Variants in SH2D3C observed in about 807,000 individuals in gnomAD.
The protein encoded by SH2D3C is SH2 domain-containing protein 3C.
A neutral mutation model predicts 75.2 loss-of-function variants in SH2D3C; 25 were observed. The observed-to-expected ratio is 0.33, with a 90% CI of 0.24 to 0.46. The LOEUF (loss-of-function observed/expected upper bound fraction) is 0.46. SH2D3C is among the 20% of genes least tolerant of loss of function. SH2D3C has a pLI of 1.00. For missense variants in SH2D3C, 933 were observed against 1,165.3 expected (o/e 0.80, Z 2.90); for synonymous variants, 450 against 473.7 (o/e 0.95, Z 0.65).
Position 127,738,623 on chromosome 9 carries a change from G to T in SH2D3C, c.*123C>A. The T allele has an allele frequency of 9.4e-7, 1 of 1,068,218 alleles. No homozygotes were observed. The highest frequency in any genetic ancestry group is 1.3e-6 in the Non-Finnish European group (1 of 770,544). The allele number at this position is 1,068,218 out of a possible 1,614,324, so 66.2% of individuals were successfully genotyped here. A position where few individuals can be genotyped will look rare whatever the true frequency, so the allele number is the denominator to read the frequency against. Reference sequence around the variant, plus strand: ...AGGACCCTGGAGGTGCAAGGGAGATGCTTGAGTTGAACCCAGAACATTCTC... The same window carrying T: ...AGGACCCTGGAGGTGCAAGGGAGATTCTTGAGTTGAACCCAGAACATTCTC... On this transcript the variant is annotated 3_prime_UTR_variant, in exon 12 of 12. Transcript: ENST00000314830. This position sits in a 1 kb window ranked among gnomAD's most constrained non-coding sequence, Gnocchi z 5.0.
chr9:127,748,729 A>T (rs1845107639), intron 5 of SH2D3C, among the ~76,000 whole-genome samples: 2 of 152,206 alleles, frequency 1.3e-5, no homozygotes, highest in African/African-American at 4.8e-5. Context: ...CCCGGAGACA[A>T]CCAGGTGTGA....
chr9:127,755,277 C>G, intron 3 of SH2D3C: 1 of 1,105,386 alleles, frequency 9.0e-7, no homozygotes, highest in South Asian at 4.4e-5. Context: ...GCGCGATTAC[C>G]TCATCGCCTT....
In SH2D3C at chr9:127,754,894, C is replaced by A. The variant is rs1314142284; in HGVS notation, c.556-3594G>T. ...GCCGCCGAACCCTCACCCCGCGGAG[C>A]GCCTGGGCGCCCAGAGGTGAGGCTG... is the stretch of plus-strand genomic sequence containing the variant. On this transcript the variant is annotated intron_variant, in intron 3 of 11. Transcript: ENST00000314830. The surrounding 1 kb of genome is among the most constrained non-coding windows in gnomAD (Gnocchi z 4.4). 5.9e-6 allele frequency: 3 copies of A among 509,856 alleles called. No homozygotes were observed. The Admixed American group carries it at 6.9e-5, about 12-fold the overall frequency. The allele number at this position is 509,856 out of a possible 1,614,324, so 31.6% of individuals were successfully genotyped here. A position where few individuals can be genotyped will look rare whatever the true frequency, so the allele number is the denominator to read the frequency against.
chr9:127,740,855 G>C (rs1383513194), intron 9 of SH2D3C, among the ~76,000 whole-genome samples: 1 of 152,030 alleles, frequency 6.6e-6, no homozygotes, highest in Non-Finnish European at 1.5e-5. Context: ...TAATTTGTTT[G>C]TATTTTTAGT....
At chr9:127,742,558 G>C (rs751286623) in intron 8 of SH2D3C, 7 of 336,548 alleles carry the variant, frequency 2.1e-5, no homozygotes, top group Non-Finnish European at 3.3e-5. Context: ...TTTTAAGAAC[G>C]AACAAGGAGG....
In SH2D3C at chr9:127,740,483, C is replaced by T. The variant is rs528636738; in HGVS notation, c.2089-114G>A. 10 of 675,290 alleles carry T rather than the reference C, an allele frequency of 1.5e-5. No homozygotes were observed. The East Asian group carries it at 1.6e-4, about 11-fold the overall frequency. 41.8% of individuals were successfully genotyped at this position (675,290 alleles called of 1,614,324 possible). ...GATCGTTATTATTATTATGGCCATC[C>T]TTCATGTACCAGGGACAGTGATGAC... On this transcript the variant is annotated intron_variant, in intron 9 of 11. Coordinates refer to ENST00000314830, the MANE Select transcript of SH2D3C (RefSeq NM_170600.3).
At chr9:127,778,076 C>A (rs1385663223) in intron 1 of SH2D3C, among the ~76,000 whole-genome samples, 1 of 152,130 alleles carries the variant, frequency 6.6e-6, no homozygotes, top group African/African-American at 2.4e-5. Context: ...CTATCTCCAC[C>A]TCCTGGGTTC....
rs1162304118 is a variant in SH2D3C at position 127,741,796 on chromosome 9, T to C, written c.2080A>G (p.Met694Val). The C allele has an allele frequency of 4.3e-6, 7 of 1,613,074 alleles. No individual in the cohort carries two copies. Among genetic ancestry groups the C allele is most frequent in the Non-Finnish European group, 5.9e-6 (7 of 1,179,920 alleles). The change falls in exon 9 of 12, where the codon ATG becomes GTG. Residue 694 changes from methionine to valine, a missense_variant. Physicochemically the swap from Met to Val is conservative, Grantham distance 21. Coordinates refer to ENST00000314830, the MANE Select transcript of SH2D3C (RefSeq NM_170600.3). ...TGCGCGGCTCTCAGTACCTGGGCCA[T>C]GTCCAGGGCACCCATGACCGCCGCG... is the stretch of plus-strand genomic sequence containing the variant. ...SFAAVMGALD[M>V]AQISRLEQTW...
Position 127,738,581 on chromosome 9 carries a change from G to T in SH2D3C, c.*165C>A. On this transcript the variant is annotated 3_prime_UTR_variant, in exon 12 of 12. Transcript: ENST00000314830. The surrounding 1 kb of genome is among the most constrained non-coding windows in gnomAD (Gnocchi z 5.0). ...TGGTGAGCATGTAGCAGGTGGGATG[G>T]AACCCAGAGTCCACGCAGGACCCTG... 1 of 611,558 alleles carries T rather than the reference G, an allele frequency of 1.6e-6. No individual in the cohort carries two copies. The highest frequency in any genetic ancestry group is 2.6e-6 in the Non-Finnish European group (1 of 389,506). 37.9% of individuals were successfully genotyped at this position (611,558 alleles called of 1,614,324 possible).
Position 127,761,604 on chromosome 9 carries a change from C to G in SH2D3C, c.555+7G>C. 1.2e-6 allele frequency: 2 copies of G among 1,609,790 alleles called. No individual in the cohort carries two copies. Among genetic ancestry groups the G allele is most frequent in the Non-Finnish European group, 1.7e-6 (2 of 1,176,972 alleles). ...CCTCTGACCAACCCCTGGCCAGCCC[C>G]TCCTACCTTCACATAGTCGCTGCCA... On this transcript the variant is annotated splice_region_variant and intron_variant, in intron 3 of 11. Transcript: ENST00000314830.
intron 2 of SH2D3C, chr9:127,766,804 A>C (rs924675749): frequency 4.9e-6 from 4 of 810,036 alleles, no homozygotes; most frequent in Non-Finnish European, 7.6e-6. Flanking sequence ...TCCTGGCATC[A>C]GGTGATCCAC....
At chr9:127,769,774 C>A (rs1160080030) in intron 2 of SH2D3C, among the ~76,000 whole-genome samples, 1 of 152,016 alleles carries the variant, frequency 6.6e-6, no homozygotes, top group Non-Finnish European at 1.5e-5. Flanking sequence ...GGCCTGGGAT[C>A]AAATAGTGAG....
intron 3 of SH2D3C, among the ~76,000 whole-genome samples, chr9:127,757,684 C>T (rs1420642458): frequency 4.8e-5 from 7 of 147,298 alleles, no homozygotes; most frequent in African/African-American, 1.5e-4. Flanking sequence ...GATGGAGTCT[C>T]GCTCCATCAC....
chr9:127,747,250 C>G lies in SH2D3C; in HGVS notation c.1161G>C (p.Arg387=). Residue 387 remains arginine (R), a synonymous_variant, in exon 6 of 12, where the codon CGG becomes CGC. Transcript: ENST00000314830. ...CPTSTSLPRP[R]DSIRSCALSM... ...TGAGGGCACAGCTGCGGATGGAGTCCCGAGGGCGGGGCAGCGACGTACTGT... is the reference window on the plus strand; with the variant it reads ...TGAGGGCACAGCTGCGGATGGAGTCGCGAGGGCGGGGCAGCGACGTACTGT... The G allele has an allele frequency of 6.2e-7, 1 of 1,613,488 alleles. No individual in the cohort carries two copies. The highest frequency in any genetic ancestry group is 8.5e-7 in the Non-Finnish European group (1 of 1,179,992).
At position 127,740,274 on chromosome 9, in the gene SH2D3C, G is replaced by T. The variant is rs774965690; in HGVS notation, c.2184C>A (p.Ser728Arg). Residue 728 changes from serine to arginine, a missense_variant, in exon 10 of 12, where the codon AGC becomes AGA. Coordinates refer to ENST00000314830, the MANE Select transcript of SH2D3C (RefSeq NM_170600.3). ...YEKKLKPFLKSLNEGKEGPPL... is the reference protein window; with the variant it reads ...YEKKLKPFLKRLNEGKEGPPL... ...AGGAAGTACCTTTGCCCTCGTTGAG[G>T]CTCTTGAGAAAAGGCTTGAGCTTCT... 25 of 1,613,900 alleles carry T rather than the reference G, an allele frequency of 1.5e-5. No individual in the cohort carries two copies. The highest frequency in any genetic ancestry group is 2.0e-5 in the Non-Finnish European group (24 of 1,179,922).
In SH2D3C at chr9:127,770,900, G is replaced by A. The variant is rs117984289; in HGVS notation, c.515+3090C>T. Among the ~76,000 whole-genome samples, 48 of 152,298 alleles carry A rather than the reference G, an allele frequency of 3.2e-4. 1 individual carries two copies. The East Asian group carries it at 8.9e-3, about 28-fold the overall frequency. On this transcript the variant is annotated intron_variant, in intron 2 of 11. Coordinates refer to ENST00000314830, the MANE Select transcript of SH2D3C (RefSeq NM_170600.3). ...GGCCAGGAAGCTGGGTTTAAACCCT[G>A]GTTCTGACGCTCACTGGCTGTGTCA...
At chr9:127,773,776 A>G (rs2131811063) in intron 2 of SH2D3C, among the ~76,000 whole-genome samples, 1 of 152,080 alleles carries the variant, frequency 6.6e-6, no homozygotes, top group Middle Eastern at 3.4e-3. Context: ...AAATTAGCCA[A>G]GAGTGGTGTT....
chr9:127,766,944 C>A, intron 2 of SH2D3C: 1 of 1,536,048 alleles, frequency 6.5e-7, no homozygotes, highest in Non-Finnish European at 8.7e-7. Flanking sequence ...CTGAGCTTCT[C>A]AGTCCTTAAA....
chr9:127,749,346 C>T lies in SH2D3C; in HGVS notation c.1004G>A (p.Gly335Glu), dbSNP rs781191281. Reference protein sequence around the residue: ...LRYLEASYGLGQGSSKPASPV... With the variant: ...LRYLEASYGLEQGSSKPASPV... ...GCTAGCAGGCTTGCTACTCCCCTGTCCCAGGCCATAGCTGGCCTCGAGGTA... is the reference window on the plus strand; with the variant it reads ...GCTAGCAGGCTTGCTACTCCCCTGTTCCAGGCCATAGCTGGCCTCGAGGTA... Residue 335 changes from glycine to glutamate, a missense_variant, in exon 5 of 12, where the codon GGA (glycine) becomes GAA (glutamate). Gly to Glu is a moderately conservative substitution (Grantham distance 98, BLOSUM62 -2). Transcript: ENST00000314830. This position sits in a 1 kb window ranked among gnomAD's most constrained non-coding sequence, Gnocchi z 5.9. The T allele has an allele frequency of 8.7e-6, 14 of 1,613,544 alleles. No individual in the cohort carries two copies. The highest frequency in any genetic ancestry group is 1.2e-5 in the Non-Finnish European group (14 of 1,179,824).
Sources: gnomAD v4.1 joint callset for allele counts (sites outside exome capture counted in the v4.1 genomes callset) on GRCh38, gnomAD v4.1.1 for gene constraint, Gnocchi (gnomAD v3.1) non-coding constraint, MANE v1.5 for transcripts, NCBI Gene and HGNC (gene_info 2026-07-23, HGNC 2026-07-21) for gene names.